Variants in CADM2 observed in about 807,000 individuals in gnomAD.
CADM2 encodes the protein cell adhesion molecule 2.
In CADM2, 12 loss-of-function variants were observed where a neutral mutation model predicts 49.8. The observed-to-expected ratio is 0.24, with a 90% CI of 0.15 to 0.39. The LOEUF (loss-of-function observed/expected upper bound fraction) is 0.39. Ranked by LOEUF, CADM2 falls within the 10% of genes least tolerant of loss-of-function variation. The pLI, the probability that CADM2 is intolerant of heterozygous loss-of-function variation, is 1.00. For missense variants in CADM2, 378 were observed against 492.3 expected, an observed-to-expected ratio of 0.77 and a Z score of 2.20; for synonymous variants, 214 against 175.4, an observed-to-expected ratio of 1.22 and a Z score of -1.74.
chr3:85,439,887 C>T (rs1435057065), intron 1 of CADM2, among the ~76,000 whole-genome samples: 1 of 152,098 alleles, frequency 6.6e-6, no homozygotes, highest in African/African-American at 2.4e-5. Context: ...ATCTTCCTAC[C>T]TGTATAATGT....
chr3:85,939,502 C>CACAA (rs1479054163), intron 7 of CADM2, among the ~76,000 whole-genome samples: 1 of 150,770 alleles, frequency 6.6e-6, no homozygotes, highest in African/African-American at 2.4e-5. Flanking sequence ...CACACACACA[C>CACAA]AACATGAAAC....
chr3:85,832,340 C>T (rs2074221754), intron 3 of CADM2, among the ~76,000 whole-genome samples: 1 of 151,774 alleles, frequency 6.6e-6, no homozygotes, highest in African/African-American at 2.4e-5. Flanking sequence ...GTAGTATATC[C>T]AGTTCTGTGA....
At chr3:85,544,335 T>C (rs371780882) in intron 1 of CADM2, among the ~76,000 whole-genome samples, 3 of 152,232 alleles carry the variant, frequency 2.0e-5, no homozygotes, top group African/African-American at 4.8e-5. Flanking sequence ...TCCCAGCACT[T>C]TGGGAGGCCG....
chr3:85,568,447 C>CTTTCTTTCTTTCTT (rs1559915872), intron 1 of CADM2, among the ~76,000 whole-genome samples: 483 of 35,792 alleles, frequency 0.013, 34 homozygotes, highest in African/African-American at 0.036. Flanking sequence ...TTCTTTCTTT[C>CTTTCTTTCTTTCTT]TTTCTTTCTT....
chr3:85,910,827 C>A (rs551379857), intron 5 of CADM2, among the ~76,000 whole-genome samples: 49 of 152,050 alleles, frequency 3.2e-4, no homozygotes, highest in Non-Finnish European at 4.6e-4. Flanking sequence ...ATCATTTAAT[C>A]TCTTACTAAT....
In CADM2 at chr3:85,984,016, A is replaced by G. The variant is rs1413696552; in HGVS notation, c.970+22369A>G. ...ATACATATGTGTATATATATGACAC[A>G]CATAATATATTATACATATTATATA... On this transcript the variant is annotated intron_variant, in intron 8 of 9. Coordinates refer to ENST00000383699, the MANE Select transcript of CADM2 (RefSeq NM_001167675.2). Among the ~76,000 whole-genome samples, 43 of 149,962 alleles carry G rather than the reference A, an allele frequency of 2.9e-4. No homozygotes were observed. The Admixed American group carries it at 2.9e-3, about 10-fold the overall frequency.
chr3:85,024,470 T>C (rs935201859), intron 1 of CADM2, among the ~76,000 whole-genome samples: 157 of 152,216 alleles, frequency 1.0e-3, no homozygotes, highest in South Asian at 6.2e-4. Context: ...TCATAAGTTA[T>C]AAAAAGTTCT....
intron 1 of CADM2, among the ~76,000 whole-genome samples, chr3:85,662,061 T>C (rs1257986955): frequency 6.6e-6 from 1 of 152,050 alleles, no homozygotes; most frequent in African/African-American, 2.4e-5. Flanking sequence ...TATACAAGAA[T>C]ATGTATTCTA....
intron 1 of CADM2, among the ~76,000 whole-genome samples, chr3:85,536,405 A>C (rs1345661328): frequency 1.3e-5 from 2 of 151,756 alleles, no homozygotes; most frequent in Admixed American, 1.3e-4. Context: ...AAAAAAAATG[A>C]TGTTTATGTT....
At chr3:85,198,006 C>G (rs187861299) in intron 1 of CADM2, among the ~76,000 whole-genome samples, 2 of 151,864 alleles carry the variant, frequency 1.3e-5, no homozygotes, top group South Asian at 4.1e-4. Context: ...TAATATTTCA[C>G]TGATATCCTA....
chr3:85,675,576 G>A (rs762166357), intron 1 of CADM2, among the ~76,000 whole-genome samples: 9 of 152,080 alleles, frequency 5.9e-5, no homozygotes, highest in Non-Finnish European at 7.4e-5. Flanking sequence ...CTAACACCCC[G>A]ATAGAATTCT....
intron 1 of CADM2, among the ~76,000 whole-genome samples, chr3:85,463,557 A>C (rs185731998): frequency 6.6e-6 from 1 of 152,294 alleles, no homozygotes; most frequent in Admixed American, 6.5e-5. Flanking sequence ...TTTAAATAAA[A>C]GGGATTGTAA....
At chr3:85,998,733 T>A (rs763800502) in intron 8 of CADM2, among the ~76,000 whole-genome samples, 1 of 152,064 alleles carries the variant, frequency 6.6e-6, no homozygotes, top group Non-Finnish European at 1.5e-5. Flanking sequence ...TGATATAGTA[T>A]GATGGATGGA....
intron 1 of CADM2, among the ~76,000 whole-genome samples, chr3:85,006,206 A>G (rs553933629): frequency 1.3e-5 from 2 of 152,236 alleles, no homozygotes; most frequent in Admixed American, 1.3e-4. Context: ...TCTGAGCCCA[A>G]AAGAGTTATG....
intron 7 of CADM2, among the ~76,000 whole-genome samples, chr3:85,953,865 CTT>C (rs575929330): frequency 2.0e-4 from 30 of 150,790 alleles, no homozygotes; most frequent in Non-Finnish European, 4.2e-4. Context: ...TCTTATCTGT[CTT>C]AAGATATAAG....
At chr3:85,990,470 C>T (rs376234322) in intron 8 of CADM2, among the ~76,000 whole-genome samples, 1 of 151,982 alleles carries the variant, frequency 6.6e-6, no homozygotes, top group Non-Finnish European at 1.5e-5. Flanking sequence ...TAAATTTAGG[C>T]GCATCTGTAT....
At chr3:85,752,069 T>C (rs1040275116) in intron 2 of CADM2, among the ~76,000 whole-genome samples, 3 of 144,876 alleles carry the variant, frequency 2.1e-5, no homozygotes, top group Non-Finnish European at 4.5e-5. Context: ...GGATAGTGTA[T>C]AGGAAAAGAA....
At chr3:85,203,095 C>T (rs1411575844) in intron 1 of CADM2, among the ~76,000 whole-genome samples, 1 of 152,148 alleles carries the variant, frequency 6.6e-6, no homozygotes, top group Non-Finnish European at 1.5e-5. Flanking sequence ...GCAGACCACT[C>T]AAGCTGGAGC....
intron 2 of CADM2, among the ~76,000 whole-genome samples, chr3:85,734,069 T>G (rs2068037402): frequency 6.6e-6 from 1 of 152,154 alleles, no homozygotes; most frequent in African/African-American, 2.4e-5. Context: ...ACACTAAAAA[T>G]AAATGTAATT....
Sources: allele counts gnomAD v4.1 joint callset (sites outside exome capture counted in the v4.1 genomes callset), GRCh38; gene constraint gnomAD v4.1.1; transcripts MANE v1.5; gene names NCBI Gene and HGNC (gene_info 2026-07-23, HGNC 2026-07-21).